DISP1: variants seen among roughly 807,000 people sequenced by gnomAD.
DISP1 encodes protein dispatched homolog 1.
A neutral mutation model predicts 37.3 loss-of-function variants in DISP1; 30 were observed. The ratio of observed to expected loss-of-function variants is 0.80; its 90% confidence interval spans 0.60 to 1.09. The LOEUF (loss-of-function observed/expected upper bound fraction) is 1.09, where lower values mean the gene tolerates loss of function less well. Among genes scored for constraint, DISP1 ranks in the 50% least tolerant of loss-of-function variants. DISP1 has a pLI of 0.00. For missense variants in DISP1, 1,598 were observed against 1,879.5 expected (o/e 0.85, Z 2.77); for synonymous variants, 634 against 690.2 (o/e 0.92, Z 1.28).
intron 1 of DISP1, among the ~76,000 whole-genome samples, chr1:222,859,334 G>A (rs1668745485): frequency 6.6e-6 from 1 of 152,210 alleles, no homozygotes; most frequent in African/African-American, 2.4e-5. Flanking sequence ...CCTGTCGGGA[G>A]GTGGAGTCGG....
rs771075411 is a variant in DISP1, at chr1:222,911,573, T to TAGCTC, written c.-158-16855_-158-16851dup. On this transcript the variant is annotated intron_variant, in intron 1 of 8. Transcript: ENST00000675850. ...AGGCTGGATTGCAGTGGTGCAGTCA[T>TAGCTC]AGCTCACTGCAGCCTCAAACTCCCA... is the stretch of plus-strand genomic sequence containing the variant. 4.6e-5 allele frequency among the ~76,000 whole-genome samples: 7 copies of TAGCTC among 152,246 alleles called. No homozygotes were observed. In the South Asian group the frequency reaches 8.3e-4, roughly 18 times the overall value.
rs769827053 is a variant in DISP1 at position 223,002,852 on chromosome 1, C to T, written c.1455C>T (p.Thr485=). 4.3e-5 allele frequency: 70 copies of T among 1,613,756 alleles called. No homozygotes were observed. Among genetic ancestry groups the T allele is most frequent in the East Asian group, 1.3e-4 (6 of 44,888 alleles). The stretch of plus-strand genomic sequence containing the variant: ...CTTCTGACGGCGTGACTACCATCAC[C>T]GGGATTGAGTTTGGTATCAAACACA... ...WNSSDGVTTI[T]GIEFGIKHSL... is the part of the protein sequence containing the mutation. Residue 485 remains threonine, a synonymous_variant, in exon 9 of 9, where the codon ACC becomes ACT. Coordinates refer to ENST00000675850, the MANE Select transcript of DISP1 (RefSeq NM_001377229.1).
At chr1:222,900,228 A>G (rs971133049) in intron 1 of DISP1, among the ~76,000 whole-genome samples, 2 of 152,212 alleles carry the variant, frequency 1.3e-5, no homozygotes, top group African/African-American at 2.4e-5. Context: ...TGTCAATTCT[A>G]TCACTTTCTC....
chr1:222,825,915 T>C (rs1664265920), intron 1 of DISP1, among the ~76,000 whole-genome samples: 1 of 152,066 alleles, frequency 6.6e-6, no homozygotes. Flanking sequence ...TGTTTGTTTG[T>C]TTTTGAGGCT....
At chr1:222,902,919 A>C (rs964003355) in intron 1 of DISP1, among the ~76,000 whole-genome samples, 2 of 151,674 alleles carry the variant, frequency 1.3e-5, no homozygotes, top group African/African-American at 4.9e-5. Context: ...TAGAACTAGA[A>C]ATACCATTTG....
intron 1 of DISP1, among the ~76,000 whole-genome samples, chr1:222,848,351 G>A (rs766446122): frequency 6.6e-6 from 1 of 151,988 alleles, no homozygotes; most frequent in Non-Finnish European, 1.5e-5. Context: ...ACGTATTAGC[G>A]ACTATTAGCA....
At chr1:222,847,450 G>C (rs1315283441) in intron 1 of DISP1, among the ~76,000 whole-genome samples, 1 of 152,092 alleles carries the variant, frequency 6.6e-6, no homozygotes, top group African/African-American at 2.4e-5. Flanking sequence ...CTTATAAGTT[G>C]TATTTACACA....
chr1:222,820,921 G>T (rs1056854145), intron 1 of DISP1, among the ~76,000 whole-genome samples: 1 of 152,056 alleles, frequency 6.6e-6, no homozygotes, highest in Non-Finnish European at 1.5e-5. Context: ...ACAGCTTTAT[G>T]TTACTCCCAC....
intron 1 of DISP1, among the ~76,000 whole-genome samples, chr1:222,829,842 C>T (rs1236620401): frequency 6.6e-6 from 1 of 152,034 alleles, no homozygotes; most frequent in Non-Finnish European, 1.5e-5. Flanking sequence ...TTGTGTTTTG[C>T]TTTGCTTACC....
chr1:222,856,623 T>G (rs1668560752), intron 1 of DISP1, among the ~76,000 whole-genome samples: 1 of 152,066 alleles, frequency 6.6e-6, no homozygotes, highest in South Asian at 2.1e-4. Flanking sequence ...CTGCCTACCA[T>G]ACGATATCCA....
At chr1:222,875,453 C>T (rs937707598) in intron 1 of DISP1, among the ~76,000 whole-genome samples, 1 of 151,590 alleles carries the variant, frequency 6.6e-6, no homozygotes, top group African/African-American at 2.4e-5. Flanking sequence ...GCTTTTTTCC[C>T]CCCTTTTATA....
chr1:222,837,077 G>A (rs149477617), intron 1 of DISP1: 31 of 398,550 alleles, frequency 7.8e-5, no homozygotes, highest in African/African-American at 4.9e-4. Context: ...GTAGATGCCG[G>A]TAGATTGGGC....
chr1:222,843,708 C>G (rs189775253), intron 1 of DISP1, among the ~76,000 whole-genome samples: 123 of 151,878 alleles, frequency 8.1e-4, no homozygotes, highest in Non-Finnish European at 2.2e-4. Context: ...AGATTGAAGG[C>G]CAAGAAGTAT....
At chr1:222,868,651 A>G (rs1558302349) in intron 1 of DISP1, among the ~76,000 whole-genome samples, 1 of 152,170 alleles carries the variant, frequency 6.6e-6, no homozygotes. Context: ...TACAACAGTG[A>G]TGTCAGTTAG....
chr1:222,818,229 GT>G, intron 1 of DISP1, among the ~76,000 whole-genome samples: 1 of 152,330 alleles, frequency 6.6e-6, no homozygotes, highest in South Asian at 2.1e-4. Context: ...GTTGGAAAGA[GT>G]ATTTTAGCAC....
chr1:222,925,359 C>G (rs1673021991), intron 1 of DISP1, among the ~76,000 whole-genome samples: 1 of 152,076 alleles, frequency 6.6e-6, no homozygotes, highest in Non-Finnish European at 1.5e-5. Context: ...AAAGGAAAAG[C>G]ACAGTGAAAT....
chr1:222,843,392 G>C (rs557706240), intron 1 of DISP1, among the ~76,000 whole-genome samples: 3 of 151,984 alleles, frequency 2.0e-5, no homozygotes, highest in African/African-American at 7.2e-5. Flanking sequence ...TTTATTACAT[G>C]TATCTTATTT....
At chr1:222,904,467 G>C (rs914953847) in intron 1 of DISP1, among the ~76,000 whole-genome samples, 4 of 151,772 alleles carry the variant, frequency 2.6e-5, no homozygotes, top group African/African-American at 9.7e-5. Context: ...AGAGACTAAA[G>C]TTTATTTCTG....
At chr1:222,978,835 A>G (rs1677607055) in intron 3 of DISP1, among the ~76,000 whole-genome samples, 1 of 152,098 alleles carries the variant, frequency 6.6e-6, no homozygotes, top group African/African-American at 2.4e-5. Context: ...AGTTGTAGAT[A>G]TGTGGCATTA....
Sources: allele counts gnomAD v4.1 joint callset (sites outside exome capture counted in the v4.1 genomes callset), GRCh38; gene constraint gnomAD v4.1.1; transcripts MANE v1.5; gene names NCBI Gene and HGNC (gene_info 2026-07-23, HGNC 2026-07-21).